KDM4C: variants seen among roughly 807,000 people sequenced by gnomAD.
The protein encoded by KDM4C is lysine-specific demethylase 4C.
Under a neutral mutation model 129.3 loss-of-function variants are expected in KDM4C, and 81 were observed. The observed-to-expected ratio is 0.63, with a 90% confidence interval of 0.52 to 0.75. KDM4C has a LOEUF of 0.75. Ranked by LOEUF, KDM4C falls within the 30% of genes least tolerant of loss-of-function variation. The pLI, the probability that KDM4C is intolerant of heterozygous loss-of-function variation, is 0.00. For missense variants in KDM4C, 1,457 were observed against 1,304.0 expected, an observed-to-expected ratio of 1.12 and a Z score of -1.81; for synonymous variants, 573 against 456.1, an observed-to-expected ratio of 1.26 and a Z score of -3.26.
chr9:7,141,883 A>G (rs1841777968), intron 19 of KDM4C, among the ~76,000 whole-genome samples: 3 of 152,010 alleles, frequency 2.0e-5, no homozygotes, highest in Admixed American at 2.0e-4. Context: ...GAGACATCTC[A>G]TGTTTTAGAA....
intron 15 of KDM4C, among the ~76,000 whole-genome samples, chr9:7,021,694 C>T (rs187633348): frequency 3.1e-4 from 47 of 152,128 alleles, no homozygotes; most frequent in African/African-American, 1.1e-3. Flanking sequence ...ACTTCGTTGC[C>T]TGTGTTTATG....
At chr9:6,804,272 G>C (rs1829555619) in intron 2 of KDM4C, among the ~76,000 whole-genome samples, 1 of 152,200 alleles carries the variant, frequency 6.6e-6, no homozygotes, top group Admixed American at 6.5e-5. Context: ...AGTTGATAGT[G>C]CACATCTCTT....
chr9:6,774,827 C>G (rs1454812717), intron 1 of KDM4C, among the ~76,000 whole-genome samples: 2 of 152,144 alleles, frequency 1.3e-5, no homozygotes, highest in Admixed American at 6.6e-5. Flanking sequence ...TGTTTCTCTT[C>G]TATCTCATCC....
intron 4 of KDM4C, among the ~76,000 whole-genome samples, chr9:6,845,450 A>G (rs894217118): frequency 2.0e-5 from 3 of 152,106 alleles, no homozygotes; most frequent in African/African-American, 7.2e-5. Context: ...CCTGGCCTCA[A>G]GTGATTCTCC....
chr9:7,102,920 A>G (rs1190800920), intron 17 of KDM4C, among the ~76,000 whole-genome samples: 2 of 152,130 alleles, frequency 1.3e-5, no homozygotes, highest in Admixed American at 6.5e-5. Flanking sequence ...GTTTTTCTCT[A>G]TCTCTCATAA....
At chr9:6,801,473 G>C (rs920702841) in intron 2 of KDM4C, among the ~76,000 whole-genome samples, 8 of 150,828 alleles carry the variant, frequency 5.3e-5, no homozygotes, top group African/African-American at 1.9e-4. Context: ...TCCTGACATC[G>C]TGATCCACCC....
chr9:7,068,195 G>T (rs1354762994), intron 17 of KDM4C, among the ~76,000 whole-genome samples: 1 of 152,110 alleles, frequency 6.6e-6, no homozygotes, highest in Non-Finnish European at 1.5e-5. Flanking sequence ...TACTATATTG[G>T]TCTGATATGC....
At chr9:6,905,334 C>G (rs556678655) in intron 8 of KDM4C, among the ~76,000 whole-genome samples, 1 of 152,118 alleles carries the variant, frequency 6.6e-6, no homozygotes, top group African/African-American at 2.4e-5. Flanking sequence ...TGAAACTCTT[C>G]TCGGTTGTAT....
At chr9:6,769,702 A>G (rs990553374) in intron 1 of KDM4C, among the ~76,000 whole-genome samples, 2 of 152,192 alleles carry the variant, frequency 1.3e-5, no homozygotes, top group African/African-American at 4.8e-5. Context: ...ATATCATGCT[A>G]CTGAAGGAGT....
chr9:6,758,892 G>A lies in KDM4C; in HGVS notation c.-18+689G>A, dbSNP rs1682789651. 6.6e-6 allele frequency among the ~76,000 whole-genome samples: 1 copy of A among 152,376 alleles called. No homozygotes were observed. The highest frequency in any genetic ancestry group is 6.5e-5 in the Admixed American group (1 of 15,304). ...GGGACGTGGAGGAGGGAGCCAGACA[G>A]GCCGGGGCTGTAGGCAGGAGCTTGG... On this transcript the variant is annotated intron_variant, in intron 1 of 21. Coordinates refer to ENST00000381309, the MANE Select transcript of KDM4C (RefSeq NM_015061.6). The surrounding 1 kb of genome is among the most constrained non-coding windows in gnomAD (Gnocchi z 4.6).
intron 17 of KDM4C, among the ~76,000 whole-genome samples, chr9:7,094,374 T>G (rs1360421855): frequency 6.6e-6 from 1 of 152,100 alleles, no homozygotes; most frequent in Non-Finnish European, 1.5e-5. Flanking sequence ...TACTTTAAGT[T>G]TTAGGGTACA....
intron 17 of KDM4C, among the ~76,000 whole-genome samples, chr9:7,081,854 C>T (rs1006661049): frequency 2.6e-5 from 4 of 152,110 alleles, no homozygotes; most frequent in African/African-American, 9.7e-5. Flanking sequence ...CATGTATTAC[C>T]TCCGAAATTC....
At chr9:7,127,580 G>C (rs79737233) in intron 18 of KDM4C, among the ~76,000 whole-genome samples, 4 of 152,242 alleles carry the variant, frequency 2.6e-5, no homozygotes, top group Admixed American at 6.5e-5. Context: ...GCCTAAAGAG[G>C]TGTGGCAACT....
In KDM4C at chr9:7,114,109, TA is replaced by T. The variant is rs575387043; in HGVS notation, c.2610+10243del. ...ACCAGCAATTTCATATTATTTGATG[TA>T]AAACATATTCAGAGGAGAGGGGCTG... is the stretch of plus-strand genomic sequence containing the variant. On this transcript the variant is annotated intron_variant, in intron 18 of 21. Transcript: ENST00000381309. Among the ~76,000 whole-genome samples the T allele has an allele frequency of 4.3e-4, 66 of 152,350 alleles. 1 individual carries two copies. The East Asian group carries it at 0.01, about 24-fold the overall frequency.
intron 6 of KDM4C, among the ~76,000 whole-genome samples, chr9:6,884,926 C>CACACCT (rs1386461133): frequency 6.6e-6 from 1 of 152,218 alleles, no homozygotes; most frequent in African/African-American, 2.4e-5. Flanking sequence ...AAGGAAGGAA[C>CACACCT]ACACCTGTTC....
chr9:6,966,467 G>A (rs73397820), intron 8 of KDM4C, among the ~76,000 whole-genome samples: 8,096 of 152,302 alleles, frequency 0.053, 486 homozygotes, highest in African/African-American at 0.14. Flanking sequence ...ACCGCGCCGG[G>A]CCTCACTCTT....
intron 17 of KDM4C, among the ~76,000 whole-genome samples, chr9:7,067,930 G>A (rs1382057689): frequency 6.6e-6 from 1 of 151,958 alleles, no homozygotes; most frequent in Non-Finnish European, 1.5e-5. Context: ...CGAGTAGCTG[G>A]GACTACAGGC....
intron 15 of KDM4C, among the ~76,000 whole-genome samples, chr9:7,023,673 T>C (rs756529652): frequency 6.6e-6 from 1 of 152,162 alleles, no homozygotes; most frequent in Non-Finnish European, 1.5e-5. Context: ...TCGTCTAATT[T>C]TGTGTTTCGT....
At chr9:6,905,921 T>C (rs1445955271) in intron 8 of KDM4C, among the ~76,000 whole-genome samples, 1 of 152,164 alleles carries the variant, frequency 6.6e-6, no homozygotes, top group African/African-American at 2.4e-5. Flanking sequence ...GGCCTCTGTG[T>C]AAACGAAGAA....
Sources: allele counts gnomAD v4.1 joint callset (sites outside exome capture counted in the v4.1 genomes callset), GRCh38; gene constraint gnomAD v4.1.1; non-coding constraint Gnocchi (gnomAD v3.1); transcripts MANE v1.5; gene names NCBI Gene and HGNC (gene_info 2026-07-23, HGNC 2026-07-21).